TBCD: variants seen among roughly 807,000 people sequenced by gnomAD.
TBCD encodes the protein tubulin folding cofactor D, also known as tubulin-specific chaperone D.
In TBCD, 105 loss-of-function variants were observed where a neutral mutation model predicts 169.3. The ratio of observed to expected loss-of-function variants is 0.62; its 90% CI spans 0.53 to 0.73. The LOEUF (loss-of-function observed/expected upper bound fraction) is 0.73. Ranked by LOEUF, TBCD falls within the 30% of genes least tolerant of loss-of-function variation. The pLI, the probability that TBCD is intolerant of heterozygous loss-of-function variation, is 0.00. For missense variants in TBCD, 1,444 were observed against 1,600.1 expected (o/e 0.90, Z 1.66); for synonymous variants, 700 against 643.9 (o/e 1.09, Z -1.32).
chr17:82,860,437 G>C (rs1599000118), intron 13 of TBCD: 3 of 985,486 alleles, frequency 3.0e-6, no homozygotes, highest in Non-Finnish European at 3.6e-6. Flanking sequence ...AGACACAGGT[G>C]GAAGGAACCA....
Position 82,905,966 on chromosome 17 carries a change from G to T in TBCD, c.1835G>T (p.Ser612Ile). Reference protein sequence around the residue: ...VFPRLLSMTLSPDLHMRHGSI... With the variant: ...VFPRLLSMTLIPDLHMRHGSI... ...CCGAGGCTGCTGTCCATGACACTGA[G>T]TCCAGATCTTCACATGAGGCATGGG... The change falls in exon 20 of 39, where the codon AGT becomes ATT. Residue 612 changes from serine to isoleucine, a missense_variant. By Grantham distance (142) the Ser-to-Ile change is moderately radical (BLOSUM62 -2). Coordinates refer to ENST00000355528, the MANE Select transcript of TBCD (RefSeq NM_005993.5). 6.2e-7 allele frequency: 1 copy of T among 1,613,254 alleles called. No individual in the cohort carries two copies. Among genetic ancestry groups the T allele is most frequent in the Non-Finnish European group, 8.5e-7 (1 of 1,179,568 alleles).
At chr17:82,847,356 GAAA>G (rs1041994030) in intron 13 of TBCD, among the ~76,000 whole-genome samples, 1 of 81,746 alleles carries the variant, frequency 1.2e-5, no homozygotes. Context: ...CCATGTCAAA[GAAA>G]AAAAAAAAAA....
At chr17:82,898,923 T>C (rs1172039282) in intron 17 of TBCD, among the ~76,000 whole-genome samples, 2 of 101,842 alleles carry the variant, frequency 2.0e-5, no homozygotes, top group East Asian at 2.9e-4. Context: ...ACCTGCATCT[T>C]CCTTGGGAGT....
In TBCD at chr17:82,889,573, G is replaced by GAAGCCGT. The variant is rs2058988136; in HGVS notation, c.1534-95_1534-94insAAGCCGT. 1 of 1,456,306 alleles carries GAAGCCGT rather than the reference G, an allele frequency of 6.9e-7. No individual in the cohort carries two copies. Among genetic ancestry groups the GAAGCCGT allele is most frequent in the Admixed American group, 1.8e-5 (1 of 56,266 alleles). 90.2% of individuals were successfully genotyped at this position (1,456,306 alleles called of 1,614,324 possible). ...GCTTTTATTTAAAAAATAAAGCCGT[G>GAAGCCGT]GGTCATTCACGTTGTGCTGTTTGTT... On this transcript the variant is annotated intron_variant, in intron 15 of 38. Transcript: ENST00000355528. The surrounding 1 kb of genome is among the most constrained non-coding windows in gnomAD (Gnocchi z 5.3).
At chr17:82,763,858 G>C (rs2047896079) in intron 2 of TBCD, 107 bp from the exon 3 acceptor site, 2 of 858,172 alleles carry the variant, frequency 2.3e-6, no homozygotes, top group Non-Finnish European at 3.8e-6. Context: ...TCCCACCTTG[G>C]TCTCCCAAAG....
intron 14 of TBCD, among the ~76,000 whole-genome samples, chr17:82,871,466 TTC>T (rs1415760030): frequency 1.3e-5 from 2 of 152,224 alleles, no homozygotes; most frequent in Admixed American, 6.5e-5. Flanking sequence ...ACACCCGCAC[TTC>T]ACCTGACAAC....
At chr17:82,784,495 G>A (rs557415419) in intron 7 of TBCD, among the ~76,000 whole-genome samples, 17 of 152,294 alleles carry the variant, frequency 1.1e-4, no homozygotes, top group Admixed American at 7.8e-4. Flanking sequence ...CTCAGGTCTC[G>A]GACGTACCCA....
rs1365070989 is a variant in TBCD, at chr17:82,943,656, G to GTGTT, written c.*1195_*1198dup. 2 of 152,238 alleles carry GTGTT rather than the reference G, an allele frequency of 1.3e-5. No homozygotes were observed. Among genetic ancestry groups the GTGTT allele is most frequent in the African/African-American group, 2.4e-5 (1 of 41,452 alleles). 9.4% of individuals were successfully genotyped at this position (152,238 alleles called of 1,614,324 possible). A position where few individuals can be genotyped will look rare whatever the true frequency, so the allele number is the denominator to read the frequency against. On this transcript the variant is annotated 3_prime_UTR_variant, in exon 39 of 39. Transcript: ENST00000355528. ...CCAGGACTGTGACAGTCCGTGCTGT[G>GTGTT]TGTTTAGCAGACAGCTCTTCACGGG...
At chr17:82,854,088 C>T (rs748485029) in intron 13 of TBCD, among the ~76,000 whole-genome samples, 6 of 152,212 alleles carry the variant, frequency 3.9e-5, no homozygotes, top group Admixed American at 3.3e-4. Context: ...TAACACACAG[C>T]ACACCCTGAC....
At position 82,831,375 on chromosome 17, in the gene TBCD, C is replaced by G; in HGVS notation, c.1318+16441C>G. 6 of 1,613,910 alleles carry G rather than the reference C, an allele frequency of 3.7e-6. No individual in the cohort carries two copies. Among genetic ancestry groups the G allele is most frequent in the South Asian group, 1.1e-5 (1 of 91,056 alleles). On this transcript the variant is annotated intron_variant, in intron 13 of 38. Transcript: ENST00000355528. This position sits in a 1 kb window ranked among gnomAD's most constrained non-coding sequence, Gnocchi z 4.6. Reference sequence around the variant, plus strand: ...CCGAAGGGTTTAACCTGGAAGGACTCGAGGCTGGATAGACCAGGGTGGCTT... The same window carrying G: ...CCGAAGGGTTTAACCTGGAAGGACTGGAGGCTGGATAGACCAGGGTGGCTT...
At chr17:82,847,882 A>G (rs2055283928) in intron 13 of TBCD, among the ~76,000 whole-genome samples, 1 of 152,128 alleles carries the variant, frequency 6.6e-6, no homozygotes. Context: ...CGGCCTCCCA[A>G]AGTGCTGGGA....
intron 7 of TBCD, among the ~76,000 whole-genome samples, chr17:82,793,813 C>T (rs543204274): frequency 7.9e-5 from 12 of 151,828 alleles, no homozygotes; most frequent in African/African-American, 2.4e-4. Context: ...TGCGGGGGCA[C>T]GGCTACCCTC....
Position 82,925,959 on chromosome 17 carries a change from G to A in TBCD, c.2380-441G>A, listed in dbSNP as rs550886390. ...CCGGGTGTCCTTCCTGGGTTGTACTGGGGGCCGTGGAGAGGCTGGAGGTGA... is the reference window on the plus strand; with the variant it reads ...CCGGGTGTCCTTCCTGGGTTGTACTAGGGGCCGTGGAGAGGCTGGAGGTGA... On this transcript the variant is annotated intron_variant, in intron 27 of 38. Coordinates refer to ENST00000355528, the MANE Select transcript of TBCD (RefSeq NM_005993.5). Among the ~76,000 whole-genome samples, 285 of 109,304 alleles carry A rather than the reference G, an allele frequency of 2.6e-3. 49 individuals carry two copies. Among genetic ancestry groups the A allele is most frequent in the African/African-American group, 0.01 (260 of 25,632 alleles). The allele number at this position is 109,304 out of a possible 152,430, so 71.7% of individuals were successfully genotyped here.
In TBCD at chr17:82,868,102, T is replaced by G. The variant is rs545040227; in HGVS notation, c.1319-2122T>G. ...CATGGTGGGAGGTGGTCCGGTCCTGTAGAGGCGTGGCTGCCGCAGTTGGGG... is the reference window on the plus strand; with the variant it reads ...CATGGTGGGAGGTGGTCCGGTCCTGGAGAGGCGTGGCTGCCGCAGTTGGGG... On this transcript the variant is annotated intron_variant, in intron 13 of 38. Coordinates refer to ENST00000355528, the MANE Select transcript of TBCD (RefSeq NM_005993.5). 1.2e-3 allele frequency among the ~76,000 whole-genome samples: 179 copies of G among 152,222 alleles called. 1 individual carries two copies. Among genetic ancestry groups the G allele is most frequent in the African/African-American group, 4.1e-3 (171 of 41,532 alleles).
At chr17:82,836,912 G>T (rs1019923877) in intron 13 of TBCD, among the ~76,000 whole-genome samples, 6 of 152,164 alleles carry the variant, frequency 3.9e-5, no homozygotes, top group African/African-American at 1.4e-4. Flanking sequence ...TCACGTAAGC[G>T]GGTGTGGCAG....
In TBCD at chr17:82,831,982, C is replaced by T. The variant is rs149980253; in HGVS notation, c.1318+17048C>T. 2.8e-4 allele frequency: 455 copies of T among 1,613,226 alleles called. 3 individuals carry two copies. The African/African-American group carries it at 5.6e-3, about 20-fold the overall frequency. ...GCCGACTGGAACAAATGCAGAAGGC[C>T]GAGCTGCGCCTTCCAGAGCAGGCTG... On this transcript the variant is annotated intron_variant, in intron 13 of 38. Transcript: ENST00000355528. The surrounding 1 kb of genome is among the most constrained non-coding windows in gnomAD (Gnocchi z 4.6).
chr17:82,853,935 C>T (rs2056034196), intron 13 of TBCD, among the ~76,000 whole-genome samples: 1 of 151,858 alleles, frequency 6.6e-6, no homozygotes, highest in South Asian at 2.1e-4. Flanking sequence ...CCTATTGGGC[C>T]CCCAACCCAG....
rs185744212 is a variant in TBCD at position 82,915,745 on chromosome 17, G to A, written c.2038+3956G>A. Among the ~76,000 whole-genome samples, 27 of 152,194 alleles carry A rather than the reference G, an allele frequency of 1.8e-4. No individual in the cohort carries two copies. Among genetic ancestry groups the A allele is most frequent in the Non-Finnish European group, 3.7e-4 (25 of 68,034 alleles). Reference sequence around the variant, plus strand: ...CACAGCCTTGCACCAGAGGCGTCACGAGAATCAGGAAAAGTTCTCCTCTCA... The same window carrying A: ...CACAGCCTTGCACCAGAGGCGTCACAAGAATCAGGAAAAGTTCTCCTCTCA... On this transcript the variant is annotated intron_variant, in intron 23 of 38. Coordinates refer to ENST00000355528, the MANE Select transcript of TBCD (RefSeq NM_005993.5). The surrounding 1 kb of genome is among the most constrained non-coding windows in gnomAD (Gnocchi z 4.3).
chr17:82,838,805 G>C (rs1174570888), intron 13 of TBCD: 1 of 985,220 alleles, frequency 1.0e-6, no homozygotes, highest in African/African-American at 1.7e-5. Context: ...CTCTAGTTTC[G>C]GCAGGAGATC....
Sources: allele counts gnomAD v4.1 joint callset (sites outside exome capture counted in the v4.1 genomes callset), GRCh38; gene constraint gnomAD v4.1.1; non-coding constraint Gnocchi (gnomAD v3.1); transcripts MANE v1.5; gene names NCBI Gene and HGNC (gene_info 2026-07-23, HGNC 2026-07-21).